The following TMTC2 variants were observed in gnomAD, a reference collection of about 807,000 sequenced individuals.
The protein encoded by TMTC2 is protein O-mannosyl-transferase TMTC2.
TMTC2 carries 43 observed loss-of-function variants against 82.4 expected under a neutral mutation model. That is an observed-to-expected ratio of 0.52 (90% CI 0.41 to 0.67). The LOEUF is 0.67. Ranked by LOEUF, TMTC2 falls within the 30% of genes least tolerant of loss-of-function variation. The pLI is 0.00. For synonymous variants in TMTC2, 408 were observed against 381.9 expected, an observed-to-expected ratio of 1.07 and a Z score of -0.80; for missense variants, 919 against 1,012.4, an observed-to-expected ratio of 0.91 and a Z score of 1.25.
At chr12:82,714,015 G>A (rs544766014) in intron 1 of TMTC2, among the ~76,000 whole-genome samples, 1 of 152,340 alleles carries the variant, frequency 6.6e-6, no homozygotes, top group South Asian at 2.1e-4. Flanking sequence ...ATCACGTGAG[G>A]TGTAGAAATC....
intron 2 of TMTC2, among the ~76,000 whole-genome samples, chr12:82,871,602 CA>C (rs781237739): frequency 6.6e-6 from 1 of 150,992 alleles, no homozygotes; most frequent in Non-Finnish European, 1.5e-5. Context: ...GCACAAGTGT[CA>C]AAAAAATTAA....
chr12:82,942,528 A>G (rs746275244), intron 4 of TMTC2, among the ~76,000 whole-genome samples: 2 of 152,212 alleles, frequency 1.3e-5, no homozygotes, highest in African/African-American at 2.4e-5. Flanking sequence ...TTTGAAAAAA[A>G]TTTTGAAAGT....
intron 2 of TMTC2, among the ~76,000 whole-genome samples, chr12:82,859,035 G>A (rs982403550): frequency 6.6e-6 from 1 of 151,744 alleles, no homozygotes; most frequent in Non-Finnish European, 1.5e-5. Context: ...GCTGTTTCAG[G>A]ACCTTGCATT....
chr12:82,957,862 T>C (rs1877697935), intron 4 of TMTC2, among the ~76,000 whole-genome samples: 1 of 151,412 alleles, frequency 6.6e-6, no homozygotes, highest in Non-Finnish European at 1.5e-5. Flanking sequence ...AGTCAGTAAT[T>C]AAAAAAAAGA....
chr12:82,706,249 G>T (rs1360828881), intron 1 of TMTC2, among the ~76,000 whole-genome samples: 2 of 151,190 alleles, frequency 1.3e-5, no homozygotes, highest in Admixed American at 6.6e-5. Context: ...CCTGGGAGGC[G>T]GAGGTTGCAG....
chr12:82,731,486 T>C (rs1451200979), intron 1 of TMTC2, among the ~76,000 whole-genome samples: 1 of 152,256 alleles, frequency 6.6e-6, no homozygotes, highest in Non-Finnish European at 1.5e-5. Flanking sequence ...GTAGGCCATA[T>C]ACAAATTTTA....
chr12:83,133,786 C>T lies in TMTC2; in HGVS notation c.*1397C>T, dbSNP rs546766213. 1.3e-5 allele frequency: 2 copies of T among 152,188 alleles called. No individual in the cohort carries two copies. The highest frequency in any genetic ancestry group is 2.9e-5 in the Non-Finnish European group (2 of 68,026). The allele number at this position is 152,188 out of a possible 1,614,324, so 9.4% of individuals were successfully genotyped here. On this transcript the variant is annotated 3_prime_UTR_variant, in exon 12 of 12. Coordinates refer to ENST00000321196, the MANE Select transcript of TMTC2 (RefSeq NM_152588.3). ...CACTAGTCCGTTATCAACTTCTTCA[C>T]AGAGAAAGTAGCTATACTATACCCT...
chr12:83,072,798 G>A (rs1883161892), intron 11 of TMTC2, among the ~76,000 whole-genome samples: 1 of 151,924 alleles, frequency 6.6e-6, no homozygotes, highest in Non-Finnish European at 1.5e-5. Context: ...AATTTGTTTT[G>A]TCTGATATAA....
chr12:82,931,249 A>C (rs191699663), intron 4 of TMTC2, among the ~76,000 whole-genome samples: 1 of 152,170 alleles, frequency 6.6e-6, no homozygotes, highest in Non-Finnish European at 1.5e-5. Flanking sequence ...TTAAAAAAAA[A>C]ATTGCTGTAT....
intron 2 of TMTC2, among the ~76,000 whole-genome samples, chr12:82,884,958 A>G (rs572504252): frequency 1.3e-3 from 192 of 152,154 alleles, no homozygotes; most frequent in Non-Finnish European, 2.4e-3. Context: ...TAGTTGCACA[A>G]TCACAGCTCA....
chr12:82,697,334 CAAAAAAAAAAAA>C lies in TMTC2; in HGVS notation c.83+9674_83+9685del, dbSNP rs367770708. ...ACTCCAGCCTGGTGACAGCCTGTCT[CAAAAAAAAAAAA>C]AAAAAAAAGGAAAAAAAAACAATGC... On this transcript the variant is annotated intron_variant, in intron 1 of 11. Coordinates refer to ENST00000321196, the MANE Select transcript of TMTC2 (RefSeq NM_152588.3). 1.5e-3 allele frequency among the ~76,000 whole-genome samples: 93 copies of C among 61,676 alleles called. 1 individual carries two copies. The highest frequency in any genetic ancestry group is 1.9e-3 in the Admixed American group (11 of 5,710). 40.5% of individuals were successfully genotyped at this position (61,676 alleles called of 152,430 possible). A position where few individuals can be genotyped will look rare whatever the true frequency, so the allele number is the denominator to read the frequency against.
intron 11 of TMTC2, among the ~76,000 whole-genome samples, chr12:83,116,619 A>G (rs1452274916): frequency 6.6e-6 from 1 of 152,138 alleles, no homozygotes; most frequent in East Asian, 1.9e-4. Context: ...TTTTTTGACT[A>G]TGGCCATTCT....
At chr12:82,910,701 C>G (rs1463982788) in intron 3 of TMTC2, among the ~76,000 whole-genome samples, 1 of 152,132 alleles carries the variant, frequency 6.6e-6, no homozygotes, top group Non-Finnish European at 1.5e-5. Flanking sequence ...TGCTCCCCAG[C>G]CTGGGCTCTC....
At chr12:82,873,024 C>T (rs573544245) in intron 2 of TMTC2, among the ~76,000 whole-genome samples, 9 of 152,104 alleles carry the variant, frequency 5.9e-5, no homozygotes, top group Non-Finnish European at 1.2e-4. Flanking sequence ...CATGTCAGTT[C>T]AGGTCAGGCT....
chr12:83,040,067 A>G (rs1244313936), intron 9 of TMTC2, among the ~76,000 whole-genome samples: 1 of 152,260 alleles, frequency 6.6e-6, no homozygotes, highest in Non-Finnish European at 1.5e-5. Flanking sequence ...AGCACTGGGC[A>G]CTTTTCTGCA....
In TMTC2 at chr12:83,119,742, T is replaced by C. The variant is rs994725749; in HGVS notation, c.2332-12468T>C. ...CCTGTCTGGTGCTGTCAGTAGAGTA[T>C]AGAAGTCCCCCACTATTACTGTGTT... On this transcript the variant is annotated intron_variant, in intron 11 of 11. Coordinates refer to ENST00000321196, the MANE Select transcript of TMTC2 (RefSeq NM_152588.3). 3.3e-5 allele frequency among the ~76,000 whole-genome samples: 5 copies of C among 152,338 alleles called. No individual in the cohort carries two copies. The East Asian group carries it at 5.8e-4, about 18-fold the overall frequency.
intron 1 of TMTC2, among the ~76,000 whole-genome samples, chr12:82,834,117 A>G (rs1278372542): frequency 1.3e-5 from 2 of 152,228 alleles, no homozygotes; most frequent in African/African-American, 4.8e-5. Context: ...GCCCATGGAT[A>G]TTATTGCTAA....
At chr12:82,920,769 A>G (rs1225000128) in intron 3 of TMTC2, among the ~76,000 whole-genome samples, 1 of 152,178 alleles carries the variant, frequency 6.6e-6, no homozygotes, top group African/African-American at 2.4e-5. Flanking sequence ...ATATATGCTT[A>G]GTCTTAGGAT....
intron 9 of TMTC2, among the ~76,000 whole-genome samples, chr12:83,033,344 A>G (rs985894465): frequency 6.6e-6 from 1 of 152,242 alleles, no homozygotes; most frequent in Non-Finnish European, 1.5e-5. Context: ...TATGTAATAT[A>G]ACCTGTCTGT....
Sources: gnomAD v4.1 joint callset for allele counts (sites outside exome capture counted in the v4.1 genomes callset) on GRCh38, gnomAD v4.1.1 for gene constraint, MANE v1.5 for transcripts, NCBI Gene and HGNC (gene_info 2026-07-23, HGNC 2026-07-21) for gene names.